The following SV2B variants were observed in gnomAD, a reference collection of about 807,000 sequenced individuals.
SV2B encodes the protein synaptic vesicle glycoprotein 2B.
In SV2B, 41 loss-of-function variants were observed where a neutral mutation model predicts 73.9. That is an observed-to-expected ratio of 0.56 (90% CI 0.43 to 0.72). The LOEUF is 0.72. SV2B is among the 30% of genes least tolerant of loss of function. The pLI is 0.00. For missense variants in SV2B, 764 were observed against 857.8 expected, an observed-to-expected ratio of 0.89 and a Z score of 1.37; for synonymous variants, 314 against 314.2, an observed-to-expected ratio of 1.00 and a Z score of 0.01.
Position 91,118,733 on chromosome 15 carries a change from C to T in SV2B, c.-392+18370C>T, listed in dbSNP as rs1007460453. ...ACCACATCAGACAGCCCAGTCCAAA[C>T]CAGAGCCATGCCAGGGAGGGACATC... On this transcript the variant is annotated intron_variant, in intron 1 of 12. Transcript: ENST00000394232. This position sits in a 1 kb window ranked among gnomAD's most constrained non-coding sequence, Gnocchi z 4.7. Among the ~76,000 whole-genome samples, 3 of 152,186 alleles carry T rather than the reference C, an allele frequency of 2.0e-5. No individual in the cohort carries two copies. The highest frequency in any genetic ancestry group is 2.9e-5 in the Non-Finnish European group (2 of 68,020).
chr15:91,230,258 A>G (rs1281318084), intron 2 of SV2B, among the ~76,000 whole-genome samples: 3 of 148,282 alleles, frequency 2.0e-5, no homozygotes, highest in East Asian at 2.5e-4. Flanking sequence ...AAAAAAAAAA[A>G]AAAGAAAAGA....
At chr15:91,135,520 G>T (rs997779977) in intron 1 of SV2B, among the ~76,000 whole-genome samples, 5 of 152,190 alleles carry the variant, frequency 3.3e-5, no homozygotes. Flanking sequence ...AATGTTGCAA[G>T]AAAATTTTCT....
rs1042000109 is a variant in SV2B at position 91,289,994 on chromosome 15, C to A, written c.1868+314C>A. ...CATGTAATCCACAAGAGAGAACAGACCTTCAAGGGGAGATAAGGCAAAAAA... is the reference window on the plus strand; with the variant it reads ...CATGTAATCCACAAGAGAGAACAGAACTTCAAGGGGAGATAAGGCAAAAAA... On this transcript the variant is annotated intron_variant, in intron 12 of 12. Transcript: ENST00000394232. The surrounding 1 kb of genome is among the most constrained non-coding windows in gnomAD (Gnocchi z 4.9). 6.6e-6 allele frequency among the ~76,000 whole-genome samples: 1 copy of A among 152,050 alleles called. No individual in the cohort carries two copies.
At chr15:91,255,737 C>G (rs1346907152) in intron 4 of SV2B, among the ~76,000 whole-genome samples, 7 of 152,178 alleles carry the variant, frequency 4.6e-5, no homozygotes, top group African/African-American at 1.7e-4. Flanking sequence ...CTTGGATGAT[C>G]AGGCTTAATT....
chr15:91,195,628 T>G (rs750411831), intron 1 of SV2B, among the ~76,000 whole-genome samples: 1 of 152,188 alleles, frequency 6.6e-6, no homozygotes, highest in Non-Finnish European at 1.5e-5. Flanking sequence ...GTAACCTAAT[T>G]AATGAGTGGC....
chr15:91,169,088 A>T (rs1247999916), intron 1 of SV2B, among the ~76,000 whole-genome samples: 1 of 152,020 alleles, frequency 6.6e-6, no homozygotes, highest in Admixed American at 6.6e-5. Flanking sequence ...GATGATGAGG[A>T]GGTTACTTTG....
intron 1 of SV2B, among the ~76,000 whole-genome samples, chr15:91,161,910 T>C (rs529146849): frequency 6.6e-6 from 1 of 152,340 alleles, no homozygotes; most frequent in East Asian, 1.9e-4. Context: ...AAAGAGTGAA[T>C]CTTTTCATTA....
chr15:91,189,818 C>G (rs2044933629), intron 1 of SV2B, among the ~76,000 whole-genome samples: 2 of 152,170 alleles, frequency 1.3e-5, no homozygotes, highest in Admixed American at 6.5e-5. Flanking sequence ...GAAACACTAT[C>G]TCTACTAAAA....
intron 1 of SV2B, among the ~76,000 whole-genome samples, chr15:91,217,358 T>A (rs996502194): frequency 6.6e-6 from 1 of 152,132 alleles, no homozygotes; most frequent in African/African-American, 2.4e-5. Context: ...AATTCCAGTA[T>A]AATATGATAA....
chr15:91,167,580 C>G (rs1247889800), intron 1 of SV2B, among the ~76,000 whole-genome samples: 1 of 152,016 alleles, frequency 6.6e-6, no homozygotes, highest in Non-Finnish European at 1.5e-5. Context: ...TCTTTTTTGT[C>G]TGATTCTGAT....
At chr15:91,183,355 T>G (rs2044656239) in intron 1 of SV2B, among the ~76,000 whole-genome samples, 1 of 152,220 alleles carries the variant, frequency 6.6e-6, no homozygotes, top group African/African-American at 2.4e-5. Flanking sequence ...AAGTAGAGAA[T>G]CAAAATGATT....
chr15:91,117,398 A>G (rs1385345855), intron 1 of SV2B, among the ~76,000 whole-genome samples: 1 of 152,272 alleles, frequency 6.6e-6, no homozygotes, highest in Non-Finnish European at 1.5e-5. Flanking sequence ...CTGCTACTGT[A>G]TAGCAATAAT....
intron 2 of SV2B, among the ~76,000 whole-genome samples, chr15:91,243,230 G>A (rs1182993218): frequency 6.6e-6 from 1 of 152,156 alleles, no homozygotes; most frequent in Non-Finnish European, 1.5e-5. Flanking sequence ...GATGCCCACA[G>A]TGCCCAGGAG....
chr15:91,147,339 A>C (rs1340729721), intron 1 of SV2B, among the ~76,000 whole-genome samples: 1 of 152,226 alleles, frequency 6.6e-6, no homozygotes, highest in East Asian at 1.9e-4. Context: ...TGTGGGGTGG[A>C]TGCAAATCTC....
chr15:91,217,791 T>C (rs2046084783), intron 1 of SV2B, among the ~76,000 whole-genome samples: 2 of 152,246 alleles, frequency 1.3e-5, no homozygotes, highest in South Asian at 4.1e-4. Context: ...GAACAATCCC[T>C]CGCTTGAGAG....
intron 1 of SV2B, among the ~76,000 whole-genome samples, chr15:91,104,793 C>T (rs997846262): frequency 3.9e-5 from 6 of 152,212 alleles, no homozygotes; most frequent in East Asian, 1.9e-4. Flanking sequence ...CCACCATGCC[C>T]GGCTAATTTT....
At chr15:91,177,255 C>G (rs2044349071) in intron 1 of SV2B, among the ~76,000 whole-genome samples, 1 of 151,942 alleles carries the variant, frequency 6.6e-6, no homozygotes, top group African/African-American at 2.4e-5. Context: ...ATCTATATCT[C>G]TGTTTTGGTA....
At position 91,141,036 on chromosome 15, in the gene SV2B, C is replaced by T. The variant is rs2042982376; in HGVS notation, c.-392+40673C>T. Among the ~76,000 whole-genome samples, 1 of 152,242 alleles carries T rather than the reference C, an allele frequency of 6.6e-6. No individual in the cohort carries two copies. The highest frequency in any genetic ancestry group is 1.5e-5 in the Non-Finnish European group (1 of 68,042). On this transcript the variant is annotated intron_variant, in intron 1 of 12. Coordinates refer to ENST00000394232, the MANE Select transcript of SV2B (RefSeq NM_001323032.3). This position sits in a 1 kb window ranked among gnomAD's most constrained non-coding sequence, Gnocchi z 4.6. ...GGAAGCCAGAAGTGCTACAAGCACT[C>T]AGGTGGCAGGACTTATAGCTAAGAG...
chr15:91,225,885 G>A lies in SV2B; in HGVS notation c.-379G>A, dbSNP rs564703443. 4.3e-6 allele frequency: 1 copy of A among 234,100 alleles called. No individual in the cohort carries two copies. The highest frequency in any genetic ancestry group is 8.2e-6 in the Non-Finnish European group (1 of 122,230). 14.5% of individuals were successfully genotyped at this position (234,100 alleles called of 1,614,324 possible). A position where few individuals can be genotyped will look rare whatever the true frequency, so the allele number is the denominator to read the frequency against. The stretch of plus-strand genomic sequence containing the variant: ...TCTCTGTTCTCAGAGCATAACCTTC[G>A]GTGGCAGGACAAATCAGGCCAGCAC... On this transcript the variant is annotated 5_prime_UTR_variant, in exon 2 of 13. Coordinates refer to ENST00000394232, the MANE Select transcript of SV2B (RefSeq NM_001323032.3).
Sources: gnomAD v4.1 joint callset for allele counts (sites outside exome capture counted in the v4.1 genomes callset) on GRCh38, gnomAD v4.1.1 for gene constraint, Gnocchi (gnomAD v3.1) non-coding constraint, MANE v1.5 for transcripts, NCBI Gene and HGNC (gene_info 2026-07-23, HGNC 2026-07-21) for gene names.